The following FBXO27 variants were observed in gnomAD, a reference collection of about 807,000 sequenced individuals.
FBXO27 encodes F-box only protein 27.
A neutral mutation model predicts 28.3 loss-of-function variants in FBXO27; 28 were observed. The ratio of observed to expected loss-of-function variants is 0.99; its 90% confidence interval spans 0.73 to 1.36. FBXO27 has a LOEUF of 1.36. Among genes scored for constraint, FBXO27 ranks in the 40% most tolerant of loss-of-function variants. The pLI, the probability that FBXO27 is intolerant of heterozygous loss-of-function variation, is 0.00. For missense variants in FBXO27, 388 were observed against 394.1 expected (o/e 0.98, Z 0.13); for synonymous variants, 175 against 167.3 (o/e 1.05, Z -0.36).
At chr19:39,023,526 T>C (rs1411912211), downstream of FBXO27, among the ~76,000 whole-genome samples, 1 of 151,950 alleles carries the variant, frequency 6.6e-6, no homozygotes, top group Non-Finnish European at 1.5e-5. Flanking sequence ...ACTTGGGCCA[T>C]GCTTTTCTTC....
rs3848623 is a variant in FBXO27, at chr19:39,032,251, T to C, written c.-24A>G. 694,838 of 1,418,116 alleles carry C rather than the reference T, an allele frequency of 0.49. 171,736 individuals carry two copies. The highest frequency in any genetic ancestry group is 0.5 in the Non-Finnish European group (552,087 of 1,094,582). The allele number at this position is 1,418,116 out of a possible 1,614,324, so 87.8% of individuals were successfully genotyped here. ...ATGGTCCCCCCGCCAGGCCCGGCTG[T>C]GGCTGCGGGAGAGGAAGGGTCAAGG... is the stretch of plus-strand genomic sequence containing the variant. On this transcript the variant is annotated splice_region_variant and 5_prime_UTR_variant, in exon 2 of 6. Coordinates refer to ENST00000292853, the MANE Select transcript of FBXO27 (RefSeq NM_178820.5). The surrounding 1 kb of genome is among the most constrained non-coding windows in gnomAD (Gnocchi z 4.7).
intron 2 of FBXO27, among the ~76,000 whole-genome samples, chr19:39,009,240 G>C (rs111677245): frequency 1.5e-4 from 23 of 152,260 alleles, no homozygotes; most frequent in African/African-American, 5.1e-4. Flanking sequence ...GAATAATGTA[G>C]TTATGAACAT....
chr19:39,014,075 A>G (rs10416754), intron 2 of FBXO27, among the ~76,000 whole-genome samples: 3,554 of 152,358 alleles, frequency 0.023, 139 homozygotes, highest in African/African-American at 0.081. Context: ...TCCAGTCAGC[A>G]TCCATGATGT....
chr19:39,024,828 C>CTTT lies in FBXO27; in HGVS notation c.*580_*582dup. 6.8e-6 allele frequency: 1 copy of CTTT among 148,126 alleles called. No homozygotes were observed. Among genetic ancestry groups the CTTT allele is most frequent in the Non-Finnish European group, 1.5e-5 (1 of 66,768 alleles). 9.2% of individuals were successfully genotyped at this position (148,126 alleles called of 1,614,324 possible). Reference sequence around the variant, plus strand: ...CATGAGCCACTGTGCCTGGCCCAAACTTTTTTTTTTTAACGTAGACTTTCA... The same window carrying CTTT: ...CATGAGCCACTGTGCCTGGCCCAAACTTTTTTTTTTTTTTAACGTAGACTTTCA... On this transcript the variant is annotated 3_prime_UTR_variant, in exon 6 of 6. Coordinates refer to ENST00000292853, the MANE Select transcript of FBXO27 (RefSeq NM_178820.5).
intron 2 of FBXO27, among the ~76,000 whole-genome samples, chr19:39,010,408 A>G (rs1030204940): frequency 1.3e-5 from 2 of 152,098 alleles, no homozygotes; most frequent in Non-Finnish European, 2.9e-5. Context: ...TTGAAAATCA[A>G]TTGATCATCG....
At chr19:39,009,036 G>A (rs555333660) in intron 2 of FBXO27, among the ~76,000 whole-genome samples, 1 of 152,242 alleles carries the variant, frequency 6.6e-6, no homozygotes, top group South Asian at 2.1e-4. Flanking sequence ...TAGCCAGGCT[G>A]GTCTCGAACT....
At position 39,024,150 on chromosome 19, in the gene FBXO27, G is replaced by T. The variant is rs1466809381; in HGVS notation, c.*1261C>A. 6.6e-6 allele frequency: 1 copy of T among 152,016 alleles called. No individual in the cohort carries two copies. Among genetic ancestry groups the T allele is most frequent in the Non-Finnish European group, 1.5e-5 (1 of 68,000 alleles). The allele number at this position is 152,016 out of a possible 1,614,324, so 9.4% of individuals were successfully genotyped here. A position where few individuals can be genotyped will look rare whatever the true frequency, so the allele number is the denominator to read the frequency against. On this transcript the variant is annotated 3_prime_UTR_variant, in exon 6 of 6. Transcript: ENST00000292853. ...TAATTTTAAATACCACACAATTACAGGTCCTTGAGGATCAGGGTTGGGCTC... is the reference window on the plus strand; with the variant it reads ...TAATTTTAAATACCACACAATTACATGTCCTTGAGGATCAGGGTTGGGCTC...
chr19:39,012,981 A>G (rs955863247), intron 2 of FBXO27, among the ~76,000 whole-genome samples: 5 of 150,740 alleles, frequency 3.3e-5, no homozygotes, highest in African/African-American at 9.8e-5. Flanking sequence ...ACAAACAAAC[A>G]AACGAACAAA....
intron 2 of FBXO27, among the ~76,000 whole-genome samples, chr19:39,006,082 A>T (rs893811896): frequency 3.9e-5 from 6 of 152,332 alleles, no homozygotes; most frequent in Admixed American, 1.3e-4. Flanking sequence ...GAATCTAATT[A>T]TAAAGAAACA....
intron 2 of FBXO27, among the ~76,000 whole-genome samples, chr19:39,009,360 A>G (rs1025391672): frequency 6.6e-6 from 1 of 152,210 alleles, no homozygotes; most frequent in African/African-American, 2.4e-5. Context: ...TTTTTGAAGA[A>G]ATGACAAACG....
intron 2 of FBXO27, among the ~76,000 whole-genome samples, chr19:39,007,235 A>C (rs1975742617): frequency 6.6e-6 from 1 of 152,120 alleles, no homozygotes; most frequent in Non-Finnish European, 1.5e-5. Flanking sequence ...AAGTTGCCAG[A>C]CCAGTCCAAA....
chr19:39,020,745 G>A (rs796355734), downstream of FBXO27, among the ~76,000 whole-genome samples: 4 of 70,018 alleles, frequency 5.7e-5, no homozygotes, highest in African/African-American at 2.3e-4. Flanking sequence ...TAAAGAGATT[G>A]TGGATATGGC....
intron 1 of FBXO27, among the ~76,000 whole-genome samples, chr19:39,016,168 C>T (rs1171388801): frequency 6.6e-6 from 1 of 152,108 alleles, no homozygotes; most frequent in African/African-American, 2.4e-5. Context: ...ACTTTTAGGG[C>T]AGTGAAACTA....
At chr19:39,019,815 C>T (rs2072837115), downstream of FBXO27, among the ~76,000 whole-genome samples, 1 of 151,950 alleles carries the variant, frequency 6.6e-6, no homozygotes, top group African/African-American at 2.4e-5. Context: ...GCAGTGGCTC[C>T]ATCTCAGCTC....
Position 39,026,919 on chromosome 19 carries a change from G to C in FBXO27, c.659C>G (p.Ser220Cys), listed in dbSNP as rs2072875819. The stretch of plus-strand genomic sequence containing the variant: ...CTGCGGGATGGGATCAGGCACAGCA[G>C]AGAATTTATCTAGAACAGTCTGGTT... Reference protein sequence around the residue: ...DANQTVLDKFSAVPDPIPQWN... With the variant: ...DANQTVLDKFCAVPDPIPQWN... The change falls in exon 5 of 6, where the codon TCT becomes TGT. Residue 220 changes from serine (S) to cysteine (C), a missense_variant. Coordinates refer to ENST00000292853, the MANE Select transcript of FBXO27 (RefSeq NM_178820.5). 6.2e-7 allele frequency: 1 copy of C among 1,614,118 alleles called. No homozygotes were observed. Among genetic ancestry groups the C allele is most frequent in the African/African-American group, 1.3e-5 (1 of 74,944 alleles).
In FBXO27 at chr19:39,031,138, A is replaced by C; in HGVS notation, c.477-14T>G. 6.2e-7 allele frequency: 1 copy of C among 1,613,724 alleles called. No homozygotes were observed. Among genetic ancestry groups the C allele is most frequent in the South Asian group, 1.1e-5 (1 of 91,080 alleles). ...TTGCAACACCAGCTGGGAATGCAGG[A>C]GACAGGGTAATGAGAACAGGCAGGC... On this transcript the variant is annotated splice_polypyrimidine_tract_variant and intron_variant, in intron 3 of 5. Coordinates refer to ENST00000292853, the MANE Select transcript of FBXO27 (RefSeq NM_178820.5).
At chr19:39,027,848 A>G (rs868275710) in intron 4 of FBXO27, among the ~76,000 whole-genome samples, 1 of 152,164 alleles carries the variant, frequency 6.6e-6, no homozygotes, top group Non-Finnish European at 1.5e-5. Context: ...ATCAAACTAC[A>G]TAACATATTT....
chr19:39,029,738 T>G lies in FBXO27; in HGVS notation c.572+1291A>C, dbSNP rs2072892217. On this transcript the variant is annotated intron_variant, in intron 4 of 5. Transcript: ENST00000292853. ...TGGAAAGTCTTCATGCACCCCAGTT[T>G]CAAGACCATCACTACAGAGGACAAG... Among the ~76,000 whole-genome samples the G allele has an allele frequency of 3.3e-5, 5 of 152,246 alleles. No individual in the cohort carries two copies. The South Asian group carries it at 1.0e-3, about 32-fold the overall frequency.
chr19:39,018,497 G>A (rs1280794223), intron 1 of FBXO27, among the ~76,000 whole-genome samples: 2 of 151,898 alleles, frequency 1.3e-5, no homozygotes, highest in African/African-American at 4.8e-5. Flanking sequence ...GTGCAATATC[G>A]TAAACCCTGA....
Sources: allele counts gnomAD v4.1 joint callset (sites outside exome capture counted in the v4.1 genomes callset), GRCh38; gene constraint gnomAD v4.1.1; non-coding constraint Gnocchi (gnomAD v3.1); transcripts MANE v1.5; gene names NCBI Gene and HGNC (gene_info 2026-07-23, HGNC 2026-07-21).